The following CLIP1 variants were observed in gnomAD, a reference collection of about 807,000 sequenced individuals.
CLIP1 encodes CAP-Gly domain-containing linker protein 1.
Under a neutral mutation model 161.6 loss-of-function variants are expected in CLIP1, and 66 were observed. The observed-to-expected ratio is 0.41, with a 90% CI of 0.33 to 0.50. The LOEUF (loss-of-function observed/expected upper bound fraction) is 0.50, where lower values mean the gene tolerates loss of function less well. CLIP1 is among the 20% of genes least tolerant of loss of function. The pLI is 0.27. For synonymous variants in CLIP1, 598 were observed against 626.2 expected, an observed-to-expected ratio of 0.96 and a Z score of 0.67; for missense variants, 1,376 against 1,702.0, an observed-to-expected ratio of 0.81 and a Z score of 3.37.
chr12:122,384,887 A>G (rs1438126000), intron 1 of CLIP1, among the ~76,000 whole-genome samples: 2 of 151,584 alleles, frequency 1.3e-5, no homozygotes, highest in East Asian at 3.9e-4. Flanking sequence ...CATAATCAAA[A>G]TTTGCCAGTT....
At chr12:122,361,908 C>G (rs1356835409) in intron 4 of CLIP1, among the ~76,000 whole-genome samples, 2 of 152,062 alleles carry the variant, frequency 1.3e-5, no homozygotes, top group Admixed American at 1.3e-4. Flanking sequence ...ATTCATATAA[C>G]CAAACACCAT....
intron 1 of CLIP1, among the ~76,000 whole-genome samples, chr12:122,408,182 T>G (rs1404907651): frequency 7.1e-6 from 1 of 141,548 alleles, no homozygotes. Context: ...GTTACAGAGC[T>G]CACACCATTG....
intron 9 of CLIP1, 24 bp downstream of exon 9, chr12:122,351,086 TC>T: frequency 6.6e-7 from 1 of 1,525,392 alleles, no homozygotes; most frequent in South Asian, 1.2e-5. Flanking sequence ...AAGGGAAATA[TC>T]CACACAGTTA....
intron 1 of CLIP1, among the ~76,000 whole-genome samples, chr12:122,387,592 T>A (rs4620760): frequency 0.021 from 131 of 6,186 alleles, no homozygotes; most frequent in Middle Eastern, 0.062. Flanking sequence ...ATATATATAT[T>A]TTTTTTTTTT....
At chr12:122,401,154 G>A (rs921154066) in intron 1 of CLIP1, among the ~76,000 whole-genome samples, 9 of 151,968 alleles carry the variant, frequency 5.9e-5, no homozygotes, top group Admixed American at 3.9e-4. Flanking sequence ...CAGGTGATCC[G>A]CCCGTCTTGG....
At chr12:122,330,202 G>A (rs1031606912) in intron 15 of CLIP1, among the ~76,000 whole-genome samples, 1 of 152,054 alleles carries the variant, frequency 6.6e-6, no homozygotes, top group African/African-American at 2.4e-5. Context: ...AGGGAAACTT[G>A]GGGGGCACTT....
At chr12:122,369,001 C>T (rs1207023375) in intron 3 of CLIP1, among the ~76,000 whole-genome samples, 1 of 151,296 alleles carries the variant, frequency 6.6e-6, no homozygotes, top group Non-Finnish European at 1.5e-5. Flanking sequence ...CATGAAAGAG[C>T]CAAAGCACGG....
chr12:122,293,075 C>T (rs1041864652), intron 20 of CLIP1, among the ~76,000 whole-genome samples: 1 of 143,236 alleles, frequency 7.0e-6, no homozygotes, highest in Non-Finnish European at 1.5e-5. Context: ...ATTCGCAAAA[C>T]ACAACCCAAT....
chr12:122,285,780 G>T (rs1955826658), intron 21 of CLIP1, among the ~76,000 whole-genome samples: 1 of 151,714 alleles, frequency 6.6e-6, no homozygotes, highest in Non-Finnish European at 1.5e-5. Context: ...CCAGGCCACA[G>T]CTCCCTTGCC....
In CLIP1 at chr12:122,273,098, T is replaced by C. The variant is rs953811693; in HGVS notation, c.4094A>G (p.Asp1365Gly). Residue 1365 changes from aspartate (D) to glycine (G), a missense_variant and splice_region_variant, in exon 26 of 26, where the codon GAT (aspartate) becomes GGT (glycine). Asp to Gly is a moderately conservative substitution (Grantham distance 94). This residue lies in a region of CLIP1 where 948 missense variants were observed against 1,134.8 expected (regional missense o/e 0.84). Coordinates refer to ENST00000620786, the MANE Select transcript of CLIP1 (RefSeq NM_001247997.2). ...NGDDLNNYDS[D>G]DQEKQSKKKP... ...CTTCTTGGACTGTTTCTCCTGATCA[T>C]CACTACAAATGTTAATGTGTGAAAT... 1 of 1,613,208 alleles carries C rather than the reference T, an allele frequency of 6.2e-7. No homozygotes were observed. The highest frequency in any genetic ancestry group is 1.3e-5 in the African/African-American group (1 of 74,890).
At chr12:122,310,138 A>C (rs12425684) in intron 19 of CLIP1, among the ~76,000 whole-genome samples, 34,953 of 151,916 alleles carry the variant, frequency 0.23, 5,008 homozygotes, top group East Asian at 0.62. Flanking sequence ...CACCACCCAA[A>C]CTTACCCCAT....
chr12:122,391,380 G>A (rs906775161), intron 1 of CLIP1, among the ~76,000 whole-genome samples: 30 of 152,102 alleles, frequency 2.0e-4, no homozygotes, highest in African/African-American at 6.8e-4. Flanking sequence ...GAGGTCAGGA[G>A]TTCAAGACCA....
intron 5 of CLIP1, among the ~76,000 whole-genome samples, chr12:122,358,454 A>G (rs538042776): frequency 1.8e-5 from 1 of 56,472 alleles, no homozygotes; most frequent in African/African-American, 9.3e-5. Context: ...AAAAAAGAAA[A>G]AAGAAAAAAA....
intron 19 of CLIP1, among the ~76,000 whole-genome samples, chr12:122,312,919 C>T (rs1951113696): frequency 6.6e-6 from 1 of 152,204 alleles, no homozygotes; most frequent in East Asian, 1.9e-4. Context: ...GCTCATTCTC[C>T]AGCTTTGAGC....
chr12:122,297,931 T>A (rs1057397078), intron 20 of CLIP1, among the ~76,000 whole-genome samples: 1 of 152,180 alleles, frequency 6.6e-6, no homozygotes, highest in African/African-American at 2.4e-5. Context: ...CCTCCCAGCA[T>A]GGATCACATC....
intron 20 of CLIP1, among the ~76,000 whole-genome samples, chr12:122,296,684 G>T (rs576939020): frequency 6.6e-6 from 1 of 151,840 alleles, no homozygotes; most frequent in South Asian, 2.1e-4. Context: ...GGGTATCTAG[G>T]ATTTAGGATT....
chr12:122,278,194 T>A lies in CLIP1; in HGVS notation c.3926A>T (p.Asp1309Val), dbSNP rs772671639. 1 of 1,601,566 alleles carries A rather than the reference T, an allele frequency of 6.2e-7. No individual in the cohort carries two copies. Among genetic ancestry groups the A allele is most frequent in the Admixed American group, 1.7e-5 (1 of 59,636 alleles). ...RQLSSSSGNTDTQADEDERAQ... is the reference protein window; with the variant it reads ...RQLSSSSGNTVTQADEDERAQ... ...TCTTTCATCCTCGTCTGCCTGAGTG[T>A]CTGTATTACCTTATATTTGAGGAAA... Residue 1309 changes from aspartate (D) to valine (V), a missense_variant, in exon 24 of 26, where the codon GAC (aspartate) becomes GTC (valine). Physicochemically the swap from Asp to Val is radical, Grantham distance 152 (BLOSUM62 -3). Coordinates refer to ENST00000620786, the MANE Select transcript of CLIP1 (RefSeq NM_001247997.2).
chr12:122,354,667 A>C (rs1953241912), intron 6 of CLIP1, 111 bp from the exon 7 acceptor site: 2 of 754,586 alleles, frequency 2.7e-6, no homozygotes, highest in Non-Finnish European at 4.5e-6. Flanking sequence ...GTTACTCTAA[A>C]ACCTTATGTT....
chr12:122,404,014 G>A (rs1169060983), intron 1 of CLIP1, among the ~76,000 whole-genome samples: 1 of 152,198 alleles, frequency 6.6e-6, no homozygotes, highest in African/African-American at 2.4e-5. Flanking sequence ...ATGAAGGCAG[G>A]GAGCATGCAC....
Sources: allele counts gnomAD v4.1 joint callset (sites outside exome capture counted in the v4.1 genomes callset), GRCh38; gene constraint gnomAD v4.1.1; regional missense constraint gnomAD v4.1.1; transcripts MANE v1.5; gene names NCBI Gene and HGNC (gene_info 2026-07-23, HGNC 2026-07-21).